The following FNDC3B variants were observed in gnomAD, a reference collection of about 807,000 sequenced individuals.
FNDC3B encodes fibronectin type III domain-containing protein 3B.
In FNDC3B, 12 loss-of-function variants were observed where a neutral mutation model predicts 151.5. That is an observed-to-expected ratio of 0.08 (90% CI 0.05 to 0.13). The LOEUF (loss-of-function observed/expected upper bound fraction) is 0.13, where lower values mean the gene tolerates loss of function less well. FNDC3B is among the 10% of genes least tolerant of loss of function. The pLI, the probability that FNDC3B is intolerant of heterozygous loss-of-function variation, is 1.00. For missense variants in FNDC3B, 1,214 were observed against 1,505.3 expected, an observed-to-expected ratio of 0.81 and a Z score of 3.20; for synonymous variants, 528 against 549.0, an observed-to-expected ratio of 0.96 and a Z score of 0.54.
chr3:172,170,464 A>G (rs1301120103), intron 3 of FNDC3B, among the ~76,000 whole-genome samples: 6 of 152,254 alleles, frequency 3.9e-5, no homozygotes, highest in African/African-American at 1.2e-4. Flanking sequence ...TTTGCAAGCA[A>G]TGTATTGATT....
chr3:172,057,744 C>G (rs1716985017), intron 1 of FNDC3B, among the ~76,000 whole-genome samples: 1 of 146,770 alleles, frequency 6.8e-6, no homozygotes, highest in South Asian at 2.1e-4. Flanking sequence ...AATTAAAGGT[C>G]AGTTTCTTCA....
At position 172,040,077 on chromosome 3, in the gene FNDC3B, A is replaced by T. The variant is rs1715939128; in HGVS notation, c.-29+306A>T. The stretch of plus-strand genomic sequence containing the variant: ...TGAAAGAAACGGGTAGATTCCTCTT[A>T]AAAAAAATTGGGCAGTGGCTCGCGG... On this transcript the variant is annotated intron_variant, in intron 1 of 25. Coordinates refer to ENST00000415807, the MANE Select transcript of FNDC3B (RefSeq NM_022763.4). This position sits in a 1 kb window ranked among gnomAD's most constrained non-coding sequence, Gnocchi z 6.6. Among the ~76,000 whole-genome samples, 10 of 151,932 alleles carry T rather than the reference A, an allele frequency of 6.6e-5. No homozygotes were observed. In the South Asian group the frequency reaches 1.7e-3, roughly 25 times the overall value.
chr3:172,210,139 T>A (rs2108709369), intron 3 of FNDC3B, among the ~76,000 whole-genome samples: 1 of 152,266 alleles, frequency 6.6e-6, no homozygotes, highest in East Asian at 1.9e-4. Context: ...GCTCCCACCC[T>A]GCCAACTTGG....
At position 172,161,390 on chromosome 3, in the gene FNDC3B, T is replaced by C. The variant is rs181301255; in HGVS notation, c.187+27844T>C. ...GGAAAATCACTTCAGAAAAGAGTGCTGTGGGTCACTTGTAGAAGAAACTGC... is the reference window on the plus strand; with the variant it reads ...GGAAAATCACTTCAGAAAAGAGTGCCGTGGGTCACTTGTAGAAGAAACTGC... On this transcript the variant is annotated intron_variant, in intron 3 of 25. Coordinates refer to ENST00000415807, the MANE Select transcript of FNDC3B (RefSeq NM_022763.4). Among the ~76,000 whole-genome samples, 49 of 152,372 alleles carry C rather than the reference T, an allele frequency of 3.2e-4. No homozygotes were observed. The East Asian group carries it at 7.5e-3, about 23-fold the overall frequency.
At chr3:172,340,059 G>A (rs988847885) in intron 16 of FNDC3B, among the ~76,000 whole-genome samples, 4 of 152,206 alleles carry the variant, frequency 2.6e-5, no homozygotes, top group African/African-American at 7.2e-5. Context: ...GAAACACAGC[G>A]TGAGTGGGAA....
intron 9 of FNDC3B, chr3:172,303,063 T>G (rs1210291335): frequency 6.6e-6 from 1 of 152,154 alleles, no homozygotes; most frequent in African/African-American, 2.4e-5. Flanking sequence ...TTTATACATA[T>G]ATACATTTAT....
At chr3:172,187,009 G>C in intron 3 of FNDC3B, 1 of 376,972 alleles carries the variant, frequency 2.7e-6, no homozygotes, top group Non-Finnish European at 4.7e-6. Context: ...TAAGGCAGGT[G>C]ATGATGATGC....
intron 3 of FNDC3B, chr3:172,186,764 C>G (rs1462198569): frequency 1.4e-6 from 1 of 702,016 alleles, no homozygotes; most frequent in East Asian, 2.7e-5. Flanking sequence ...TCAGCTTTTT[C>G]CCCCTTACCT....
chr3:172,375,982 A>G (rs1735118249), intron 23 of FNDC3B, among the ~76,000 whole-genome samples: 1 of 151,864 alleles, frequency 6.6e-6, no homozygotes, highest in Non-Finnish European at 1.5e-5. Context: ...CTTCAAGGTC[A>G]CTCCCACTTT....
intron 3 of FNDC3B, among the ~76,000 whole-genome samples, chr3:172,222,592 C>T (rs1726333505): frequency 6.6e-6 from 1 of 152,154 alleles, no homozygotes; most frequent in Admixed American, 6.5e-5. Flanking sequence ...ACTGTTCCAC[C>T]TCAGATCATC....
chr3:172,372,831 T>G (rs766039993), intron 23 of FNDC3B, among the ~76,000 whole-genome samples: 7 of 152,178 alleles, frequency 4.6e-5, no homozygotes, highest in Non-Finnish European at 8.8e-5. Flanking sequence ...CTAGGCTCAG[T>G]GCTGAGGTTT....
chr3:172,190,228 G>A (rs1263170608), intron 3 of FNDC3B, among the ~76,000 whole-genome samples: 1 of 152,178 alleles, frequency 6.6e-6, no homozygotes, highest in African/African-American at 2.4e-5. Flanking sequence ...TGAATGGAAT[G>A]AAGGGGGATG....
chr3:172,095,744 C>T (rs1466197160), intron 1 of FNDC3B, among the ~76,000 whole-genome samples: 1 of 152,140 alleles, frequency 6.6e-6, no homozygotes, highest in African/African-American at 2.4e-5. Flanking sequence ...ATCAAAATCA[C>T]TATGAACACT....
intron 11 of FNDC3B, among the ~76,000 whole-genome samples, chr3:172,324,205 C>T (rs1480413972): frequency 6.6e-6 from 1 of 151,960 alleles, no homozygotes; most frequent in Non-Finnish European, 1.5e-5. Flanking sequence ...AGCCCTTTCT[C>T]CCTTCCCAGG....
chr3:172,119,030 C>T (rs1329042207), intron 2 of FNDC3B, among the ~76,000 whole-genome samples: 2 of 151,640 alleles, frequency 1.3e-5, no homozygotes, highest in African/African-American at 4.8e-5. Context: ...ATTAGCCAGG[C>T]GTGGTGGTGG....
chr3:172,237,936 T>C (rs1425028850), intron 4 of FNDC3B, among the ~76,000 whole-genome samples: 1 of 152,228 alleles, frequency 6.6e-6, no homozygotes, highest in Non-Finnish European at 1.5e-5. Flanking sequence ...TTATTTTTCC[T>C]TTTGAAGACA....
chr3:172,376,403 G>T (rs868077119), intron 23 of FNDC3B, among the ~76,000 whole-genome samples: 12 of 152,296 alleles, frequency 7.9e-5, no homozygotes, highest in South Asian at 6.2e-4. Context: ...AAAGCATACT[G>T]TTCCTAGTAG....
chr3:172,307,255 C>T (rs1377120453), intron 9 of FNDC3B, 108 bp from the exon 10 acceptor site: 10 of 1,137,354 alleles, frequency 8.8e-6, no homozygotes, highest in Admixed American at 5.4e-5. Context: ...ATACTCACTC[C>T]GTAAGAAATT....
chr3:172,050,609 C>T (rs1423493991), intron 1 of FNDC3B, among the ~76,000 whole-genome samples: 1 of 152,000 alleles, frequency 6.6e-6, no homozygotes, highest in Admixed American at 6.6e-5. Flanking sequence ...GTCTTGAACT[C>T]CCAACCTCAG....
Sources: gnomAD v4.1 joint callset for allele counts (sites outside exome capture counted in the v4.1 genomes callset) on GRCh38, gnomAD v4.1.1 for gene constraint, Gnocchi (gnomAD v3.1) non-coding constraint, MANE v1.5 for transcripts, NCBI Gene and HGNC (gene_info 2026-07-23, HGNC 2026-07-21) for gene names.